Variants in MECR observed in about 807,000 individuals in gnomAD.
The protein encoded by MECR is enoyl-[acyl-carrier-protein] reductase, mitochondrial.
In MECR, 37 loss-of-function variants were observed where a neutral mutation model predicts 49.1. The ratio of observed to expected loss-of-function variants is 0.75; its 90% confidence interval spans 0.58 to 0.99. MECR has a LOEUF of 0.99. MECR is among the 50% of genes least tolerant of loss of function. MECR has a pLI of 0.00. For synonymous variants in MECR, 198 were observed against 191.1 expected (o/e 1.04, Z -0.30); for missense variants, 470 against 479.6 (o/e 0.98, Z 0.19).
chr1:29,226,239 T>A (rs1188345517), intron 1 of MECR, among the ~76,000 whole-genome samples: 4 of 150,302 alleles, frequency 2.7e-5, no homozygotes, highest in African/African-American at 9.8e-5. Context: ...TCCAGCTTAG[T>A]TTCATTGTTG....
chr1:29,178,750 G>A, the MECR span, among the ~76,000 whole-genome samples: 2 of 152,272 alleles, frequency 1.3e-5, no homozygotes, highest in Middle Eastern at 3.4e-3. Context: ...GCTTACATAC[G>A]TAGCTAAGTT....
chr1:29,200,390 C>T (rs1461549944), intron 7 of MECR, 126 bp downstream of exon 7: 3 of 799,930 alleles, frequency 3.8e-6, no homozygotes, highest in Non-Finnish European at 5.8e-6. Flanking sequence ...GTCCTAGTTT[C>T]CACTCAACAT....
At chr1:29,222,126 C>T (rs1680912672) in intron 1 of MECR, among the ~76,000 whole-genome samples, 1 of 152,190 alleles carries the variant, frequency 6.6e-6, no homozygotes, top group Non-Finnish European at 1.5e-5. Flanking sequence ...CAGAGTCTCG[C>T]TTTGTCGCCC....
chr1:29,181,883 C>T, the MECR span: 6 of 622,324 alleles, frequency 9.6e-6, no homozygotes, highest in Non-Finnish European at 9.6e-6. Context: ...CGAACCCCGG[C>T]GACGTACGCG....
chr1:29,213,999 T>C (rs12083545), intron 3 of MECR, among the ~76,000 whole-genome samples: 15,596 of 152,056 alleles, frequency 0.1, 1,035 homozygotes, highest in African/African-American at 0.19. Flanking sequence ...CTGGGGTTCC[T>C]GGATCTAGCT....
intron 3 of MECR, among the ~76,000 whole-genome samples, chr1:29,213,438 C>G (rs1490395195): frequency 1.3e-5 from 2 of 151,998 alleles, no homozygotes; most frequent in Admixed American, 1.3e-4. Context: ...TTTCTCTCTA[C>G]AAGTGCTCCT....
intron 1 of MECR, among the ~76,000 whole-genome samples, chr1:29,225,798 A>T (rs967131028): frequency 1.3e-5 from 2 of 152,212 alleles, no homozygotes; most frequent in African/African-American, 4.8e-5. Flanking sequence ...AATTCCTGAG[A>T]GTAAACAGTG....
intron 1 of MECR, 29 bp downstream of exon 1, chr1:29,230,702 C>G: frequency 6.4e-7 from 1 of 1,554,952 alleles, no homozygotes. Context: ...ACCCCAGTCC[C>G]CTTCCCCGGC....
chr1:29,225,426 AGGG>A (rs1483203640), intron 1 of MECR, among the ~76,000 whole-genome samples: 2 of 152,036 alleles, frequency 1.3e-5, no homozygotes, highest in Non-Finnish European at 2.9e-5. Flanking sequence ...GACTAACCCG[AGGG>A]GGTTAGGTAA....
chr1:29,225,555 A>C (rs2151917221), intron 1 of MECR, among the ~76,000 whole-genome samples: 1 of 152,200 alleles, frequency 6.6e-6, no homozygotes, highest in East Asian at 1.9e-4. Context: ...CAACGACCAC[A>C]ACAGATTCAA....
rs563543644 is a variant in MECR at position 29,194,265 on chromosome 1, C to G, written c.965-86G>C. The G allele has an allele frequency of 1.3e-4, 183 of 1,422,574 alleles. 2 individuals carry two copies. In the South Asian group the frequency reaches 2.3e-3, roughly 18 times the overall value. 88.1% of individuals were successfully genotyped at this position (1,422,574 alleles called of 1,614,324 possible). A position where few individuals can be genotyped will look rare whatever the true frequency, so the allele number is the denominator to read the frequency against. ...CACGGGGCTGCCCTATGGGCAGGAG[C>G]TGGCACCAAGCTCCAATAAAGCCTT... is the stretch of plus-strand genomic sequence containing the variant. On this transcript the variant is annotated intron_variant, in intron 9 of 9. Coordinates refer to ENST00000263702, the MANE Select transcript of MECR (RefSeq NM_016011.5).
intron 1 of MECR, among the ~76,000 whole-genome samples, chr1:29,219,909 G>A (rs1015985761): frequency 6.6e-6 from 1 of 152,128 alleles, no homozygotes; most frequent in Non-Finnish European, 1.5e-5. Flanking sequence ...CTTGGATTCA[G>A]GTCTTTCAGA....
At chr1:29,182,973 A>G in the MECR span, among the ~76,000 whole-genome samples, 1 of 152,268 alleles carries the variant, frequency 6.6e-6, no homozygotes, top group African/African-American at 2.4e-5. Flanking sequence ...TAAGAGCTCA[A>G]TAAATATTGG....
rs180743640 is a variant in MECR at position 29,213,312 on chromosome 1, G to T, written c.406+2693C>A. Among the ~76,000 whole-genome samples the T allele has an allele frequency of 3.7e-3, 566 of 152,284 alleles. 4 individuals are homozygous for T. Among genetic ancestry groups the T allele is most frequent in the Non-Finnish European group, 7.1e-3 (484 of 68,022 alleles). On this transcript the variant is annotated intron_variant, in intron 3 of 9. Transcript: ENST00000263702. The stretch of plus-strand genomic sequence containing the variant: ...GCTCAAATGGCTGAGCTCCTTCACC[G>T]CCAGGTGGGTGTAGGAGACGGTGGA...
chr1:29,204,712 C>T (rs572580512), intron 4 of MECR, among the ~76,000 whole-genome samples: 11 of 152,104 alleles, frequency 7.2e-5, no homozygotes, highest in Non-Finnish European at 1.0e-4. Flanking sequence ...TGGGCAGCGT[C>T]GAAATGCCTA....
the MECR span, among the ~76,000 whole-genome samples, chr1:29,184,592 A>G: frequency 6.6e-6 from 1 of 152,084 alleles, no homozygotes; most frequent in Non-Finnish European, 1.5e-5. Flanking sequence ...CATCTCTACT[A>G]AAAATACAAA....
chr1:29,189,141 T>C (rs185937751), downstream of MECR, among the ~76,000 whole-genome samples: 725 of 152,182 alleles, frequency 4.8e-3, 4 homozygotes, highest in Non-Finnish European at 6.9e-3. Flanking sequence ...GGTTTCACCA[T>C]GTTGGCCAGG....
chr1:29,230,354 C>T (rs1459943210), intron 1 of MECR: 2 of 226,686 alleles, frequency 8.8e-6, no homozygotes, highest in Non-Finnish European at 1.8e-5. Context: ...CTGTCACTTA[C>T]TGGCTGTGTG....
At chr1:29,230,605 TC>T in intron 1 of MECR, 125 bp downstream of exon 1, 1 of 1,273,020 alleles carries the variant, frequency 7.9e-7, no homozygotes, top group Non-Finnish European at 1.1e-6. Flanking sequence ...GCCCTGGGCT[TC>T]GGCTTCGGTT....
Sources: gnomAD v4.1 joint callset for allele counts (sites outside exome capture counted in the v4.1 genomes callset) on GRCh38, gnomAD v4.1.1 for gene constraint, MANE v1.5 for transcripts, NCBI Gene and HGNC (gene_info 2026-07-23, HGNC 2026-07-21) for gene names.